The following PDK3 variants were observed in gnomAD, a reference collection of about 807,000 sequenced individuals.
PDK3 encodes pyruvate dehydrogenase kinase, isozyme 3.
A neutral mutation model predicts 32.0 loss-of-function variants in PDK3; 12 were observed. The observed-to-expected ratio is 0.37, with a 90% CI of 0.24 to 0.61. PDK3 has a LOEUF of 0.61. Ranked by LOEUF, PDK3 falls within the 20% of genes least tolerant of loss-of-function variation. The probability of loss-of-function intolerance (pLI) is 0.65; values close to 1 mark genes in which losing one functional copy is unlikely to be tolerated. For synonymous variants in PDK3, 122 were observed against 116.3 expected (o/e 1.05, Z -0.31); for missense variants, 188 against 316.9 (o/e 0.59, Z 3.09).
chrX:24,480,634 C>T (rs1042460362), intron 1 of PDK3, among the ~76,000 whole-genome samples: 1 of 112,315 alleles, frequency 8.9e-6, no homozygotes, highest in East Asian at 2.8e-4. Context: ...GAGCTATGAA[C>T]CACTTTAGGG....
intron 6 of PDK3, among the ~76,000 whole-genome samples, chrX:24,520,591 G>C (rs1187472565): frequency 1.8e-5 from 2 of 112,051 alleles, no homozygotes; most frequent in Admixed American, 1.9e-4. Context: ...AATTATGGAA[G>C]AGACATGCTT....
intron 1 of PDK3, among the ~76,000 whole-genome samples, chrX:24,469,033 T>C (rs1920968499): frequency 8.9e-6 from 1 of 111,944 alleles, no homozygotes; most frequent in Non-Finnish European, 1.9e-5. Context: ...GACAGATTTT[T>C]GTATATCTGT....
At chrX:24,531,824 T>C in intron 10 of PDK3, 54 bp downstream of exon 10, 1 of 612,222 alleles carries the variant, frequency 1.6e-6, no homozygotes, top group Middle Eastern at 3.1e-4. Context: ...AAGCTGTAAG[T>C]TCTAATCGCT....
At position 24,534,285 on chromosome X, in the gene PDK3, C is replaced by G. The variant is rs1922724305; in HGVS notation, c.*213C>G. 7.7e-6 allele frequency: 7 copies of G among 906,181 alleles called. No homozygotes were observed. The highest frequency in any genetic ancestry group is 5.6e-5 in the South Asian group (1 of 17,956). The allele number at this position is 906,181 out of a possible 1,213,427, so 74.7% of individuals were successfully genotyped here. A position where few individuals can be genotyped will look rare whatever the true frequency, so the allele number is the denominator to read the frequency against. ...TGAAAAATAAGTTAAAATGATCAAT[C>G]AAGATAAAAGGTGATCTATCCATCC... On this transcript the variant is annotated 3_prime_UTR_variant, in exon 11 of 11. Coordinates refer to ENST00000379162, the MANE Select transcript of PDK3 (RefSeq NM_005391.5).
chrX:24,492,484 G>A (rs976700718), intron 1 of PDK3, among the ~76,000 whole-genome samples: 2 of 111,252 alleles, frequency 1.8e-5, no homozygotes, highest in Non-Finnish European at 1.9e-5. Context: ...AGCTACTCGG[G>A]AGGCTGAGGC....
At chrX:24,521,803 C>G (rs1922405373) in intron 6 of PDK3, among the ~76,000 whole-genome samples, 1 of 111,895 alleles carries the variant, frequency 8.9e-6, no homozygotes, top group African/African-American at 3.2e-5. Flanking sequence ...CAGAAGCCCC[C>G]TTTCGATCAT....
intron 2 of PDK3, among the ~76,000 whole-genome samples, chrX:24,496,823 C>A (rs1488704960): frequency 6.0e-5 from 5 of 82,869 alleles, no homozygotes; most frequent in Non-Finnish European, 1.1e-4. Flanking sequence ...TCTCTGTTGC[C>A]GAGGCTGGAG....
At chrX:24,478,592 A>G (rs764237939) in intron 1 of PDK3, among the ~76,000 whole-genome samples, 10 of 111,970 alleles carry the variant, frequency 8.9e-5, no homozygotes, top group Non-Finnish European at 1.9e-4. Flanking sequence ...CCCATGGTGG[A>G]TGTCCTTCAT....
chrX:24,471,891 T>G (rs924731134), intron 1 of PDK3, among the ~76,000 whole-genome samples: 7 of 112,327 alleles, frequency 6.2e-5, no homozygotes, highest in Non-Finnish European at 1.3e-4. Flanking sequence ...TTACATTTCC[T>G]GGGATAGCAT....
rs370042238 is a variant in PDK3, at chrX:24,524,799, A to G, written c.674-1399A>G. On this transcript the variant is annotated intron_variant, in intron 6 of 10. Transcript: ENST00000379162. ...AGGATAAGATAGGAAAGGGGGAAGG[A>G]CTTTTGTTTTTCTTCTTTTGTTAAA... 8.0e-5 allele frequency among the ~76,000 whole-genome samples: 9 copies of G among 111,843 alleles called. No homozygotes were observed. The South Asian group carries it at 3.3e-3, about 42-fold the overall frequency.
At chrX:24,472,533 A>C (rs1017278504) in intron 1 of PDK3, among the ~76,000 whole-genome samples, 1 of 111,364 alleles carries the variant, frequency 9.0e-6, no homozygotes, top group East Asian at 2.8e-4. Flanking sequence ...AGTACATCTT[A>C]TATTGATTGC....
rs757976709 is a variant in PDK3, at chrX:24,519,033, C to T, written c.673+23C>T. 4.8e-5 allele frequency: 50 copies of T among 1,049,049 alleles called. No individual in the cohort carries two copies. In the South Asian group the frequency reaches 9.9e-4, roughly 21 times the overall value. 86.5% of individuals were successfully genotyped at this position (1,049,049 alleles called of 1,213,427 possible). On this transcript the variant is annotated intron_variant, in intron 6 of 10. Transcript: ENST00000379162. ...ATGGTAAAAGAAAACTAATTTTAAC[C>T]TTACATTCAAAAAAGCTGACTAAGA...
rs1408714186 is a variant in PDK3 at position 24,465,503 on chromosome X, C to T, written c.48C>T (p.Ile16=). Residue 16 remains isoleucine (I), a synonymous_variant, in exon 1 of 11, where the codon ATC becomes ATT. Transcript: ENST00000379162. ...TGAAGCAGCCGGTGCCCAAGCAGAT[C>T]GAGCGCTACTCGCGCTTTTCGCCGT... ...WLLKQPVPKQ[I]ERYSRFSPSP... is the part of the protein sequence containing the mutation. The T allele has an allele frequency of 8.3e-7, 1 of 1,209,639 alleles. No homozygotes were observed. The highest frequency in any genetic ancestry group is 1.1e-6 in the Non-Finnish European group (1 of 893,578).
rs189578258 is a variant in PDK3 at position 24,513,397 on chromosome X, G to A, written c.596-5536G>A. ...GGGTGCGGGCCAGTGTTGTCTCTGT[G>A]GGTTCTACCATGGTGCACTGTGGCC... On this transcript the variant is annotated intron_variant, in intron 5 of 10. Transcript: ENST00000379162. 4.5e-3 allele frequency: 507 copies of A among 112,497 alleles called. 1 individual carries two copies. The highest frequency in any genetic ancestry group is 8.1e-3 in the Non-Finnish European group (434 of 53,453). The allele number at this position is 112,497 out of a possible 1,213,427, so 9.3% of individuals were successfully genotyped here. A position where few individuals can be genotyped will look rare whatever the true frequency, so the allele number is the denominator to read the frequency against.
At chrX:24,538,769 A>G (rs928547678), downstream of PDK3, among the ~76,000 whole-genome samples, 1 of 111,530 alleles carries the variant, frequency 9.0e-6, no homozygotes, top group Admixed American at 9.5e-5. Flanking sequence ...GCGAGACTCC[A>G]TCTCAATAAT....
chrX:24,534,974 G>C (rs541731551), downstream of PDK3, among the ~76,000 whole-genome samples: 28 of 111,459 alleles, frequency 2.5e-4, no homozygotes, highest in South Asian at 0.011. Flanking sequence ...GAAAAAGGTG[G>C]TAAGTTCTAT....
At chrX:24,535,519 A>C (rs1922752855), downstream of PDK3, among the ~76,000 whole-genome samples, 1 of 107,863 alleles carries the variant, frequency 9.3e-6, no homozygotes, top group Admixed American at 1.0e-4. Context: ...AAAAAAAAAA[A>C]AAAGAAGAAG....
At chrX:24,507,008 A>T (rs1922001703) in intron 5 of PDK3, among the ~76,000 whole-genome samples, 1 of 109,010 alleles carries the variant, frequency 9.2e-6, no homozygotes, top group Non-Finnish European at 1.9e-5. Context: ...ACGGGGTTTC[A>T]CCATGTTGGC....
chrX:24,531,327 T>G (rs1367578513), intron 9 of PDK3, among the ~76,000 whole-genome samples: 1 of 112,212 alleles, frequency 8.9e-6, no homozygotes, highest in East Asian at 2.8e-4. Flanking sequence ...CCCAAAGTGC[T>G]GGGATTACAG....
Sources: allele counts gnomAD v4.1 joint callset (sites outside exome capture counted in the v4.1 genomes callset), GRCh38; gene constraint gnomAD v4.1.1; transcripts MANE v1.5; gene names NCBI Gene and HGNC (gene_info 2026-07-23, HGNC 2026-07-21).